RARB: variants seen among roughly 807,000 people sequenced by gnomAD.
RARB encodes HBV-activated protein.
A neutral mutation model predicts 51.9 loss-of-function variants in RARB; 17 were observed. That is an observed-to-expected ratio of 0.33 (90% CI 0.22 to 0.49). RARB has a LOEUF of 0.49. RARB is among the 20% of genes least tolerant of loss of function. RARB has a pLI of 0.99. For synonymous variants in RARB, 215 were observed against 195.4 expected (o/e 1.10, Z -0.84); for missense variants, 369 against 550.8 (o/e 0.67, Z 3.30).
At chr3:25,145,442 T>C (rs552842658) in intron 4 of RARB, among the ~76,000 whole-genome samples, 51 of 152,324 alleles carry the variant, frequency 3.3e-4, no homozygotes, top group African/African-American at 1.2e-3. Context: ...TCTGGGAACT[T>C]TGAGTGATTC....
chr3:25,063,704 G>T (rs1169024205), intron 3 of RARB, among the ~76,000 whole-genome samples: 2 of 150,548 alleles, frequency 1.3e-5, no homozygotes, highest in East Asian at 3.9e-4. Flanking sequence ...CTTGTAGTTT[G>T]AGACTTTTTT....
rs1559440841 is a variant in RARB at position 25,031,859 on chromosome 3, A to G, written c.-379-28266A>G. 2.0e-5 allele frequency among the ~76,000 whole-genome samples: 3 copies of G among 152,336 alleles called. No individual in the cohort carries two copies. In the South Asian group the frequency reaches 6.2e-4, roughly 32 times the overall value. ...TTTAGGGATTAATATTAGTACTTAA[A>G]CTAAAAAGAAACAAAAAACTCTAAA... On this transcript the variant is annotated intron_variant, in intron 2 of 11. Transcript: ENST00000383772.
rs1297389801 is a variant in RARB, at chr3:24,975,111, C to A, written c.-379-85014C>A. Among the ~76,000 whole-genome samples, 6 of 152,056 alleles carry A rather than the reference C, an allele frequency of 3.9e-5. No individual in the cohort carries two copies. In the East Asian group the frequency reaches 1.2e-3, roughly 29 times the overall value. On this transcript the variant is annotated intron_variant, in intron 2 of 11. Coordinates refer to the RARB transcript ENST00000383772. ...TTGAAACAAGAATGTACTTGGACTT[C>A]ATTTACAGTGAGTAGTATGGCATAA...
intron 5 of RARB, among the ~76,000 whole-genome samples, chr3:25,403,932 C>A (rs1206335975): frequency 7.6e-6 from 1 of 130,812 alleles, no homozygotes; most frequent in South Asian, 2.5e-4. Context: ...TTTCCAGAAG[C>A]TTATAGTTAT....
chr3:25,092,564 A>G (rs114620699), intron 3 of RARB, among the ~76,000 whole-genome samples: 7,709 of 152,092 alleles, frequency 0.051, 270 homozygotes, highest in Middle Eastern at 0.099. Flanking sequence ...CCCTCTCCCC[A>G]CACCACCAAA....
At chr3:25,434,465 C>T (rs889842803) in intron 1 of RARB, among the ~76,000 whole-genome samples, 1 of 152,040 alleles carries the variant, frequency 6.6e-6, no homozygotes, top group Non-Finnish European at 1.5e-5. Context: ...ACAAACCTCG[C>T]CAACTCTCCA....
chr3:25,300,319 T>G (rs902373299), intron 5 of RARB, among the ~76,000 whole-genome samples: 2 of 152,226 alleles, frequency 1.3e-5, no homozygotes, highest in African/African-American at 4.8e-5. Context: ...CTAGATCATG[T>G]CTTTGTGGAG....
chr3:24,880,251 T>A (rs1053808648), intron 2 of RARB, among the ~76,000 whole-genome samples: 1 of 151,984 alleles, frequency 6.6e-6, no homozygotes, highest in Non-Finnish European at 1.5e-5. Flanking sequence ...TATCAGACAT[T>A]TGGGGAATAC....
At chr3:25,017,993 C>T (rs1036132201) in intron 2 of RARB, among the ~76,000 whole-genome samples, 6 of 152,154 alleles carry the variant, frequency 3.9e-5, no homozygotes, top group Non-Finnish European at 5.9e-5. Context: ...CATCTCTAGA[C>T]ACCAATTTGC....
At chr3:24,893,240 A>G (rs182227788) in intron 2 of RARB, among the ~76,000 whole-genome samples, 1 of 152,350 alleles carries the variant, frequency 6.6e-6, no homozygotes, top group East Asian at 1.9e-4. Context: ...ATCTTGACAA[A>G]CACTGTCATA....
chr3:25,524,974 C>A (rs1312990436), intron 3 of RARB, among the ~76,000 whole-genome samples: 2 of 152,090 alleles, frequency 1.3e-5, no homozygotes, highest in Non-Finnish European at 2.9e-5. Flanking sequence ...GGTGATCCAC[C>A]CCCCTCAGCC....
chr3:25,135,332 G>A (rs375785283), intron 4 of RARB, among the ~76,000 whole-genome samples: 3 of 151,574 alleles, frequency 2.0e-5, no homozygotes, highest in Non-Finnish European at 2.9e-5. Flanking sequence ...CTACCATATC[G>A]GATGACACAA....
intron 2 of RARB, among the ~76,000 whole-genome samples, chr3:25,465,154 G>C (rs536514178): frequency 1.3e-5 from 2 of 152,252 alleles, no homozygotes; most frequent in Admixed American, 6.5e-5. Flanking sequence ...CCGTAGAAAA[G>C]ATTATTGTCT....
At chr3:25,105,326 T>C (rs539138645) in intron 3 of RARB, among the ~76,000 whole-genome samples, 31 of 145,392 alleles carry the variant, frequency 2.1e-4, no homozygotes, top group Non-Finnish European at 1.5e-5. Flanking sequence ...GGGAGAAAGA[T>C]AGTAAAAAGA....
intron 5 of RARB, among the ~76,000 whole-genome samples, chr3:25,319,947 G>C (rs918931619): frequency 6.6e-6 from 1 of 151,954 alleles, no homozygotes; most frequent in Admixed American, 6.6e-5. Context: ...AATTTGGGTG[G>C]TCAAAAGCTT....
chr3:25,060,744 T>G (rs1177536603), intron 3 of RARB, among the ~76,000 whole-genome samples: 1 of 151,896 alleles, frequency 6.6e-6, no homozygotes, highest in African/African-American at 2.4e-5. Context: ...AATTGGAGTT[T>G]CCAGTGTTAG....
chr3:25,321,203 C>A (rs1239944673), intron 5 of RARB, among the ~76,000 whole-genome samples: 2 of 152,132 alleles, frequency 1.3e-5, no homozygotes, highest in Non-Finnish European at 2.9e-5. Context: ...TGACCCATTA[C>A]AAGTTATGTG....
At chr3:24,914,189 C>T (rs943956740) in intron 2 of RARB, among the ~76,000 whole-genome samples, 8 of 152,184 alleles carry the variant, frequency 5.3e-5, no homozygotes, top group African/African-American at 1.7e-4. Flanking sequence ...ATCTGAGACA[C>T]AAAATGTTTA....
intron 7 of RARB, among the ~76,000 whole-genome samples, chr3:25,595,328 TA>T (rs1181571420): frequency 1.3e-5 from 2 of 152,240 alleles, no homozygotes; most frequent in East Asian, 3.8e-4. Context: ...TCAGACTACT[TA>T]CTCTGTCTCT....
Sources: allele counts gnomAD v4.1 joint callset (sites outside exome capture counted in the v4.1 genomes callset), GRCh38; gene constraint gnomAD v4.1.1; transcripts MANE v1.5; gene names NCBI Gene and HGNC (gene_info 2026-07-23, HGNC 2026-07-21).